The following DMXL2 variants were observed in gnomAD, a reference collection of about 807,000 sequenced individuals.
The protein encoded by DMXL2 is Dmx like 2, also known as dmX-like protein 2.
In DMXL2, 103 loss-of-function variants were observed where a neutral mutation model predicts 331.1. The ratio of observed to expected loss-of-function variants is 0.31; its 90% CI spans 0.27 to 0.37. DMXL2 has a LOEUF of 0.37. Among genes scored for constraint, DMXL2 ranks in the 10% least tolerant of loss-of-function variants. DMXL2 has a pLI of 1.00. For synonymous variants in DMXL2, 1,281 were observed against 1,252.1 expected (o/e 1.02, Z -0.49); for missense variants, 3,171 against 3,642.9 (o/e 0.87, Z 3.33).
At chr15:51,504,613 T>A (rs938912120) in intron 16 of DMXL2, among the ~76,000 whole-genome samples, 5 of 152,238 alleles carry the variant, frequency 3.3e-5, no homozygotes, top group Non-Finnish European at 7.3e-5. Context: ...GAATATTCAA[T>A]AAATAATAAT....
At chr15:51,535,863 A>G (rs2048259719) in intron 12 of DMXL2, 79 bp from the exon 13 acceptor site, 1 of 1,464,162 alleles carries the variant, frequency 6.8e-7, no homozygotes, top group East Asian at 2.4e-5. Context: ...AGAAACAAGT[A>G]TTCACATTTT....
rs769719411 is a variant in DMXL2 at position 51,502,988 on chromosome 15, G to A, written c.2810C>T (p.Pro937Leu). 9.3e-6 allele frequency: 15 copies of A among 1,613,806 alleles called. No homozygotes were observed. Among genetic ancestry groups the A allele is most frequent in the East Asian group, 4.5e-5 (2 of 44,888 alleles). ...GASSESLLSV[P>L]GQKNVDSSPE... Reference sequence around the variant, plus strand: ...AGAAGAATCTACGTTCTTCTGTCCAGGGACTGAAAGTAGACTCTCAGAGGA... The same window carrying A: ...AGAAGAATCTACGTTCTTCTGTCCAAGGACTGAAAGTAGACTCTCAGAGGA... The change falls in exon 17 of 44, where the codon CCT becomes CTT. Residue 937 changes from proline to leucine, a missense_variant. Transcript: ENST00000560891.
Position 51,514,543 on chromosome 15 carries a change from T to C in DMXL2, c.2543A>G (p.Gln848Arg), listed in dbSNP as rs2046925435. 3.1e-6 allele frequency: 5 copies of C among 1,589,434 alleles called. No homozygotes were observed. Among genetic ancestry groups the C allele is most frequent in the Non-Finnish European group, 4.3e-6 (5 of 1,168,428 alleles). The change falls in exon 15 of 44, where the codon CAG becomes CGG. Residue 848 changes from glutamine to arginine, a missense_variant. Gln to Arg is a conservative substitution (Grantham distance 43). This residue lies in a region of DMXL2 where 1,674 missense variants were observed against 1,780.2 expected (regional missense o/e 0.94). Transcript: ENST00000560891. Reference sequence around the variant, plus strand: ...GTCTTCTTGAAACACATGAAGCAACTGTGTATTTGAGCCACACTACAAATA... The same window carrying C: ...GTCTTCTTGAAACACATGAAGCAACCGTGTATTTGAGCCACACTACAAATA... ...AITNQCGSNT[Q>R]LLHVFQEDFI...
intron 6 of DMXL2, among the ~76,000 whole-genome samples, chr15:51,556,352 AAAG>A (rs2049581927): frequency 9.0e-6 from 1 of 110,880 alleles, no homozygotes; most frequent in African/African-American, 3.8e-5. Context: ...CAAAAAAAAA[AAAG>A]AAAAAAAAAA....
intron 9 of DMXL2, among the ~76,000 whole-genome samples, chr15:51,539,430 C>G (rs898005623): frequency 2.6e-5 from 4 of 151,996 alleles, no homozygotes; most frequent in Admixed American, 2.0e-4. Flanking sequence ...GAAAAAAACA[C>G]AAGAAGGCAG....
chr15:51,488,753 G>C (rs1433145464), intron 20 of DMXL2, 108 bp from the exon 21 acceptor site: 5 of 950,888 alleles, frequency 5.3e-6, no homozygotes, highest in Non-Finnish European at 7.7e-6. Flanking sequence ...AAACTGTGGA[G>C]ACAGAAAAAG....
chr15:51,573,284 G>A (rs898391460), intron 2 of DMXL2, among the ~76,000 whole-genome samples: 1 of 152,222 alleles, frequency 6.6e-6, no homozygotes, highest in African/African-American at 2.4e-5. Context: ...GTAAGACAGT[G>A]TGGGAATTCC....
chr15:51,465,321 C>T (rs375156661), intron 31 of DMXL2, among the ~76,000 whole-genome samples: 4 of 152,066 alleles, frequency 2.6e-5, no homozygotes, highest in South Asian at 2.1e-4. Context: ...CTTGAGCCTA[C>T]GAGGCGGAGT....
At chr15:51,510,597 T>C (rs1481791368) in intron 15 of DMXL2, among the ~76,000 whole-genome samples, 2 of 152,138 alleles carry the variant, frequency 1.3e-5, no homozygotes, top group African/African-American at 2.4e-5. Context: ...AAATCAATAT[T>C]GTGAAAATCG....
chr15:51,476,974 C>T (rs1361542347), intron 26 of DMXL2, among the ~76,000 whole-genome samples: 1 of 151,956 alleles, frequency 6.6e-6, no homozygotes, highest in Non-Finnish European at 1.5e-5. Context: ...CCAGATGCCA[C>T]TTTAATACTT....
chr15:51,466,095 TA>T, intron 30 of DMXL2, 88 bp downstream of exon 30: 1 of 1,081,326 alleles, frequency 9.2e-7, no homozygotes, highest in Non-Finnish European at 1.3e-6. Context: ...AAATTCAGGA[TA>T]ATAATGTTAT....
At chr15:51,580,436 G>C (rs1307609384) in intron 1 of DMXL2, among the ~76,000 whole-genome samples, 1 of 152,160 alleles carries the variant, frequency 6.6e-6, no homozygotes, top group African/African-American at 2.4e-5. Flanking sequence ...GATTATTATA[G>C]GGAGGCAAGG....
At chr15:51,508,503 C>A (rs1185273213) in intron 15 of DMXL2, among the ~76,000 whole-genome samples, 1 of 152,148 alleles carries the variant, frequency 6.6e-6, no homozygotes, top group African/African-American at 2.4e-5. Context: ...TAATATAGCA[C>A]TATGTAAGCA....
At chr15:51,542,961 A>G (rs552415161) in intron 8 of DMXL2, among the ~76,000 whole-genome samples, 1 of 152,274 alleles carries the variant, frequency 6.6e-6, no homozygotes, top group East Asian at 1.9e-4. Context: ...CAAAGAACAA[A>G]ACAGGGTATG....
At chr15:51,491,521 T>C in intron 20 of DMXL2, 57 bp downstream of exon 20, 1 of 1,517,522 alleles carries the variant, frequency 6.6e-7, no homozygotes, top group Middle Eastern at 1.7e-4. Context: ...TAGTATCTTT[T>C]TTTCGTTAGG....
chr15:51,466,900 T>A (rs1452931428), intron 29 of DMXL2, among the ~76,000 whole-genome samples: 1 of 151,874 alleles, frequency 6.6e-6, no homozygotes, highest in Admixed American at 6.6e-5. Flanking sequence ...ATAAAAAAAA[T>A]CCCATTTTTT....
At chr15:51,505,391 G>A (rs964164315) in intron 16 of DMXL2, among the ~76,000 whole-genome samples, 1 of 152,184 alleles carries the variant, frequency 6.6e-6, no homozygotes, top group East Asian at 1.9e-4. Flanking sequence ...AAGCAGTGGG[G>A]ACAAACAAAA....
intron 1 of DMXL2, among the ~76,000 whole-genome samples, chr15:51,598,738 C>T (rs1347276952): frequency 1.3e-5 from 2 of 152,138 alleles, no homozygotes; most frequent in African/African-American, 4.8e-5. Context: ...GTTCTTATTG[C>T]ATTTTATCAG....
intron 30 of DMXL2, 111 bp downstream of exon 30, chr15:51,466,073 C>T (rs1404707032): frequency 1.2e-5 from 11 of 950,472 alleles, no homozygotes; most frequent in Non-Finnish European, 9.0e-6. Flanking sequence ...AAACATAAGT[C>T]ATTTCTTATA....
Sources: allele counts gnomAD v4.1 joint callset (sites outside exome capture counted in the v4.1 genomes callset), GRCh38; gene constraint gnomAD v4.1.1; regional missense constraint gnomAD v4.1.1; transcripts MANE v1.5; gene names NCBI Gene and HGNC (gene_info 2026-07-23, HGNC 2026-07-21).